The following CNTN4 variants were observed in gnomAD, a reference collection of about 807,000 sequenced individuals.
CNTN4 encodes the protein contactin 4.
CNTN4 carries 77 observed loss-of-function variants against 122.5 expected under a neutral mutation model. The observed-to-expected ratio is 0.63, with a 90% CI of 0.52 to 0.76. The LOEUF is 0.76. Ranked by LOEUF, CNTN4 falls within the 30% of genes least tolerant of loss-of-function variation. CNTN4 has a pLI of 0.00. For missense variants in CNTN4, 1,256 were observed against 1,259.1 expected, an observed-to-expected ratio of 1.00 and a Z score of 0.04; for synonymous variants, 512 against 447.0, an observed-to-expected ratio of 1.15 and a Z score of -1.83.
intron 4 of CNTN4, among the ~76,000 whole-genome samples, chr3:2,712,782 T>A (rs2087229011): frequency 1.3e-5 from 2 of 152,210 alleles, no homozygotes; most frequent in Admixed American, 1.3e-4. Context: ...AAGGTCAAGC[T>A]GATCACCAGT....
intron 3 of CNTN4, among the ~76,000 whole-genome samples, chr3:2,524,006 C>G (rs2077312229): frequency 6.6e-6 from 1 of 152,050 alleles, no homozygotes; most frequent in Admixed American, 6.6e-5. Context: ...TGGTATAATT[C>G]TTATGTCATA....
chr3:2,944,221 T>G (rs1168160100), intron 13 of CNTN4, among the ~76,000 whole-genome samples: 1 of 151,880 alleles, frequency 6.6e-6, no homozygotes, highest in African/African-American at 2.4e-5. Flanking sequence ...CCAACAGAAA[T>G]ATAACACCTC....
chr3:2,418,879 G>A (rs2047514210), intron 3 of CNTN4, among the ~76,000 whole-genome samples: 1 of 152,108 alleles, frequency 6.6e-6, no homozygotes, highest in Non-Finnish European at 1.5e-5. Context: ...TATTTTTATT[G>A]TGTTTAGAGA....
intron 4 of CNTN4, among the ~76,000 whole-genome samples, chr3:2,631,227 T>TA (rs763589531): frequency 3.9e-5 from 6 of 152,186 alleles, no homozygotes; most frequent in Non-Finnish European, 7.3e-5. Flanking sequence ...CTCTTAAGGT[T>TA]AAAATCCATA....
chr3:2,743,733 C>G (rs778181880), intron 5 of CNTN4, among the ~76,000 whole-genome samples: 1 of 152,196 alleles, frequency 6.6e-6, no homozygotes, highest in Non-Finnish European at 1.5e-5. Context: ...AAATTATCTA[C>G]AGTAAAAGCA....
intron 6 of CNTN4, among the ~76,000 whole-genome samples, chr3:2,769,627 G>T (rs1482841206): frequency 6.6e-6 from 1 of 152,114 alleles, no homozygotes; most frequent in Non-Finnish European, 1.5e-5. Context: ...GTAACTTTTA[G>T]TATCCATAGT....
chr3:2,203,286 T>C (rs1447485091), intron 2 of CNTN4, among the ~76,000 whole-genome samples: 1 of 152,162 alleles, frequency 6.6e-6, no homozygotes, highest in East Asian at 1.9e-4. Flanking sequence ...TTAGAGAGAA[T>C]GTGAATCACT....
chr3:2,849,025 A>T (rs969423960), intron 7 of CNTN4, among the ~76,000 whole-genome samples: 4 of 152,212 alleles, frequency 2.6e-5, no homozygotes, highest in Non-Finnish European at 4.4e-5. Flanking sequence ...AATGATGTCT[A>T]CTTGTCATCT....
intron 3 of CNTN4, among the ~76,000 whole-genome samples, chr3:2,517,236 G>A (rs1214171018): frequency 2.0e-5 from 3 of 152,286 alleles, no homozygotes; most frequent in South Asian, 2.1e-4. Flanking sequence ...TGACACCGTA[G>A]TCAGTCTGTC....
chr3:2,794,640 G>C (rs2092113118), intron 6 of CNTN4, among the ~76,000 whole-genome samples: 1 of 152,188 alleles, frequency 6.6e-6, no homozygotes, highest in African/African-American at 2.4e-5. Flanking sequence ...TTCCTTTAGA[G>C]ATAGAAATAA....
chr3:2,598,068 C>T (rs897212850), intron 4 of CNTN4, among the ~76,000 whole-genome samples: 3 of 152,232 alleles, frequency 2.0e-5, no homozygotes, highest in South Asian at 4.1e-4. Flanking sequence ...CTTCCCTTAC[C>T]GGGCTATTTT....
chr3:2,505,214 A>G (rs549839340), intron 3 of CNTN4, among the ~76,000 whole-genome samples: 2 of 152,308 alleles, frequency 1.3e-5, no homozygotes, highest in Admixed American at 6.5e-5. Flanking sequence ...TTTTCACTCA[A>G]ATGACTTTCT....
At position 2,443,728 on chromosome 3, in the gene CNTN4, C is replaced by T. The variant is rs548045291; in HGVS notation, c.-89+104495C>T. Among the ~76,000 whole-genome samples the T allele has an allele frequency of 2.0e-4, 31 of 152,264 alleles. 1 individual carries two copies. The South Asian group carries it at 6.2e-3, about 31-fold the overall frequency. On this transcript the variant is annotated intron_variant, in intron 3 of 24. Coordinates refer to ENST00000418658, the MANE Select transcript of CNTN4 (RefSeq NM_175607.3). ...TGGTATTAGACTTGTACTCTGCCTA[C>T]AGACCAGTGCCTAGGTTAGTTCATC...
At chr3:2,469,743 C>A (rs2075620830) in intron 3 of CNTN4, among the ~76,000 whole-genome samples, 1 of 152,114 alleles carries the variant, frequency 6.6e-6, no homozygotes, top group African/African-American at 2.4e-5. Context: ...TCCATTGTTT[C>A]ATATATATGG....
chr3:2,180,745 A>G (rs1421272580), intron 2 of CNTN4, among the ~76,000 whole-genome samples: 2 of 152,094 alleles, frequency 1.3e-5, no homozygotes, highest in Non-Finnish European at 2.9e-5. Context: ...ACACTTACAG[A>G]AAGCCTACCT....
chr3:2,187,679 C>T (rs567713344), intron 2 of CNTN4, among the ~76,000 whole-genome samples: 9 of 152,106 alleles, frequency 5.9e-5, no homozygotes, highest in African/African-American at 7.2e-5. Context: ...ATGTATTTAC[C>T]GTCTGCCCTA....
chr3:2,297,375 G>C (rs891857061), intron 2 of CNTN4, among the ~76,000 whole-genome samples: 2 of 152,160 alleles, frequency 1.3e-5, no homozygotes, highest in Admixed American at 6.5e-5. Context: ...ACATTCTGAT[G>C]CTTTAACAAT....
chr3:2,503,814 G>C (rs1444111017), intron 3 of CNTN4, among the ~76,000 whole-genome samples: 8 of 152,072 alleles, frequency 5.3e-5, no homozygotes, highest in Non-Finnish European at 1.2e-4. Context: ...GTGGTGAATG[G>C]AATATAAAGC....
intron 6 of CNTN4, among the ~76,000 whole-genome samples, chr3:2,750,853 G>C (rs1454396425): frequency 6.6e-6 from 1 of 152,194 alleles, no homozygotes; most frequent in African/African-American, 2.4e-5. Flanking sequence ...TAAGGAATGA[G>C]TTGAACCACT....
Sources: allele counts gnomAD v4.1 joint callset (sites outside exome capture counted in the v4.1 genomes callset), GRCh38; gene constraint gnomAD v4.1.1; transcripts MANE v1.5; gene names NCBI Gene and HGNC (gene_info 2026-07-23, HGNC 2026-07-21).